METTL6: variants seen among roughly 807,000 people sequenced by gnomAD.
The protein encoded by METTL6 is methyltransferase 6, tRNA N3-cytidine.
Under a neutral mutation model 26.4 loss-of-function variants are expected in METTL6, and 22 were observed. The ratio of observed to expected loss-of-function variants is 0.83; its 90% CI spans 0.59 to 1.19. METTL6 has a LOEUF of 1.19. METTL6 is among the 50% of genes most tolerant of loss of function. The pLI, the probability that METTL6 is intolerant of heterozygous loss-of-function variation, is 0.00. For synonymous variants in METTL6, 109 were observed against 116.2 expected (o/e 0.94, Z 0.40); for missense variants, 304 against 324.8 (o/e 0.94, Z 0.49).
At chr3:15,425,794 C>A (rs73144114) in intron 2 of METTL6, among the ~76,000 whole-genome samples, 2 of 152,238 alleles carry the variant, frequency 1.3e-5, no homozygotes, top group South Asian at 4.1e-4. Flanking sequence ...AGTTCTCTCT[C>A]CTATATGTTA....
At chr3:15,414,357 C>CTTTTTT (rs72324883) in intron 4 of METTL6, 195 bp from the exon 5 acceptor site, 1 of 1,118,554 alleles carries the variant, frequency 8.9e-7, no homozygotes, top group South Asian at 2.3e-5. Flanking sequence ...TAAGACACTT[C>CTTTTTT]TTTTTTTTTT....
At chr3:15,426,676 G>C (rs1204311748) in intron 1 of METTL6, 41 bp from the exon 2 acceptor site, 25 of 641,044 alleles carry the variant, frequency 3.9e-5, no homozygotes, top group Non-Finnish European at 6.7e-5. Flanking sequence ...AGTGGTTACA[G>C]TTCAAGACGC....
chr3:15,391,575 G>A (rs780488814), intron 6 of METTL6, among the ~76,000 whole-genome samples: 16 of 151,746 alleles, frequency 1.1e-4, no homozygotes, highest in Non-Finnish European at 2.1e-4. Context: ...ATATACATGC[G>A]CCATGTTGGT....
At chr3:15,413,616 C>T in intron 5 of METTL6, 1 of 1,174,268 alleles carries the variant, frequency 8.5e-7, no homozygotes, top group Non-Finnish European at 1.1e-6. Flanking sequence ...CCAATCAATT[C>T]TACAGAAAAA....
chr3:15,413,727 T>C, intron 5 of METTL6: 1 of 1,334,952 alleles, frequency 7.5e-7, no homozygotes, highest in Admixed American at 2.6e-5. Flanking sequence ...TTGCCCTCCC[T>C]CTTATTCCAG....
At chr3:15,417,817 C>A (rs565024213) in intron 3 of METTL6, among the ~76,000 whole-genome samples, 2 of 152,226 alleles carry the variant, frequency 1.3e-5, no homozygotes, top group Non-Finnish European at 2.9e-5. Context: ...CACAGGCCCA[C>A]GGTACCAGTT....
At chr3:15,393,643 T>C (rs1330872072) in intron 6 of METTL6, among the ~76,000 whole-genome samples, 4 of 152,208 alleles carry the variant, frequency 2.6e-5, no homozygotes, top group African/African-American at 9.7e-5. Context: ...TTGTCATAAA[T>C]AGCTCTTATT....
downstream of METTL6, among the ~76,000 whole-genome samples, chr3:15,405,469 T>C (rs1032784575): frequency 2.0e-5 from 3 of 152,212 alleles, no homozygotes; most frequent in Admixed American, 6.5e-5. Context: ...GGACACTATA[T>C]AACTAAGATG....
At chr3:15,408,332 T>A (rs554000158), downstream of METTL6, among the ~76,000 whole-genome samples, 1 of 152,160 alleles carries the variant, frequency 6.6e-6, no homozygotes, top group Non-Finnish European at 1.5e-5. Flanking sequence ...CTTTTCTGTA[T>A]GTATGTTAAG....
intron 3 of METTL6, among the ~76,000 whole-genome samples, chr3:15,421,039 C>T (rs1035924139): frequency 1.6e-4 from 25 of 152,148 alleles, no homozygotes; most frequent in Admixed American, 7.2e-4. Flanking sequence ...TAGTCCTGTA[C>T]TTAGTCACTG....
intron 6 of METTL6, among the ~76,000 whole-genome samples, chr3:15,395,565 T>G (rs1300630453): frequency 1.3e-5 from 2 of 152,148 alleles, no homozygotes; most frequent in Non-Finnish European, 2.9e-5. Context: ...GTTATTTTGC[T>G]TGTTAGTTGA....
In METTL6 at chr3:15,381,797, AC is replaced by A. The variant is rs1167914477; in HGVS notation, c.*2401del. ...GTTTAGACTATTTATAATGTTTGGT[AC>A]TATAAATAATGCAGCTAATGAATAT... On this transcript the variant is annotated 3_prime_UTR_variant, in exon 7 of 7. Transcript: ENST00000443029. The A allele has an allele frequency of 2.0e-5, 3 of 152,312 alleles. No individual in the cohort carries two copies. In the East Asian group the frequency reaches 5.8e-4, roughly 29 times the overall value. The allele number at this position is 152,312 out of a possible 1,614,324, so 9.4% of individuals were successfully genotyped here. A position where few individuals can be genotyped will look rare whatever the true frequency, so the allele number is the denominator to read the frequency against.
At chr3:15,396,954 T>C (rs946471601) in intron 6 of METTL6, among the ~76,000 whole-genome samples, 19 of 152,194 alleles carry the variant, frequency 1.2e-4, no homozygotes, top group African/African-American at 4.6e-4. Context: ...GAGGAGGCAG[T>C]CTGTCCGTTC....
intron 3 of METTL6, among the ~76,000 whole-genome samples, chr3:15,422,499 C>T (rs1354835514): frequency 1.3e-5 from 2 of 151,756 alleles, no homozygotes; most frequent in Non-Finnish European, 2.9e-5. Flanking sequence ...GTAGTATGTG[C>T]GTGTAGACCC....
At chr3:15,395,018 A>G (rs1446127295) in intron 6 of METTL6, among the ~76,000 whole-genome samples, 2 of 152,188 alleles carry the variant, frequency 1.3e-5, no homozygotes, top group Non-Finnish European at 2.9e-5. Context: ...TATTAGGTCC[A>G]CTTGGTGCAG....
exon 7 of METTL6, chr3:15,381,416 G>A (rs1214185424): frequency 6.6e-6 from 1 of 152,244 alleles, no homozygotes; most frequent in Non-Finnish European, 1.5e-5. Flanking sequence ...GGAGGGAGTT[G>A]AGGTCAAGAA....
At chr3:15,393,786 T>C (rs1323697474) in intron 6 of METTL6, among the ~76,000 whole-genome samples, 1 of 152,238 alleles carries the variant, frequency 6.6e-6, no homozygotes, top group African/African-American at 2.4e-5. Flanking sequence ...TCTGTTTATA[T>C]GCTGGATTAC....
chr3:15,413,116 A>G (rs1700042441), intron 5 of METTL6, among the ~76,000 whole-genome samples: 1 of 152,116 alleles, frequency 6.6e-6, no homozygotes, highest in South Asian at 2.1e-4. Flanking sequence ...GTGGTGGCAC[A>G]CACTTGTAAT....
chr3:15,403,811 T>C (rs1179598674), intron 6 of METTL6, among the ~76,000 whole-genome samples: 1 of 152,252 alleles, frequency 6.6e-6, no homozygotes, highest in Non-Finnish European at 1.5e-5. Flanking sequence ...CAAGGGCTGC[T>C]GGTTGCCCAT....
Sources: gnomAD v4.1 joint callset for allele counts (sites outside exome capture counted in the v4.1 genomes callset) on GRCh38, gnomAD v4.1.1 for gene constraint, MANE v1.5 for transcripts, NCBI Gene and HGNC (gene_info 2026-07-23, HGNC 2026-07-21) for gene names.